LRRC17: variants seen among roughly 807,000 people sequenced by gnomAD.
The protein encoded by LRRC17 is leucine-rich repeat-containing protein 17.
LRRC17 carries 33 observed loss-of-function variants against 41.5 expected under a neutral mutation model. That is an observed-to-expected ratio of 0.80 (90% CI 0.60 to 1.06). The LOEUF is 1.06. LRRC17 is among the 50% of genes least tolerant of loss of function. The pLI, the probability that LRRC17 is intolerant of heterozygous loss-of-function variation, is 0.00. For missense variants in LRRC17, 491 were observed against 519.3 expected, an observed-to-expected ratio of 0.95 and a Z score of 0.53; for synonymous variants, 192 against 197.0, an observed-to-expected ratio of 0.97 and a Z score of 0.21.
At chr7:102,919,610 C>T (rs996169338) in intron 1 of LRRC17, among the ~76,000 whole-genome samples, 1 of 152,048 alleles carries the variant, frequency 6.6e-6, no homozygotes, top group Non-Finnish European at 1.5e-5. Context: ...AACAAAGGAA[C>T]AAAAAATCAT....
chr7:102,926,148 A>G lies in LRRC17; in HGVS notation c.-140-7626A>G. The G allele has an allele frequency of 5.5e-6, 4 of 722,870 alleles. 1 individual carries two copies. The highest frequency in any genetic ancestry group is 9.0e-6 in the Non-Finnish European group (4 of 443,384). 44.8% of individuals were successfully genotyped at this position (722,870 alleles called of 1,614,324 possible). On this transcript the variant is annotated intron_variant, in intron 1 of 3. Transcript: ENST00000339431. ...ACTTGAAAGCAGCAGACCCCTTATC[A>G]GAAAAGCAGTGCCACAGTGGTGGGG...
rs780398889 is a variant in LRRC17, at chr7:102,934,598, A to T, written c.685A>T (p.Arg229Ter). ...QLDPKPQVSG[R>*]PPVIKPEVDS... ...GGACCCGAAACCCCAAGTGTCAGGG[A>T]GACCCCCAGTCATCAAGCCTGAGGT... is the stretch of plus-strand genomic sequence containing the variant. The change falls in exon 2 of 4, where the codon AGA becomes TGA. Residue 229 changes from arginine to a stop codon, truncating the protein, a stop_gained. Transcript: ENST00000339431. LOFTEE classifies it high-confidence loss of function. 6.2e-7 allele frequency: 1 copy of T among 1,614,096 alleles called. No homozygotes were observed. The highest frequency in any genetic ancestry group is 1.1e-5 in the South Asian group (1 of 91,054).
chr7:102,926,468 A>G, intron 1 of LRRC17: 3 of 901,640 alleles, frequency 3.3e-6, no homozygotes, highest in Non-Finnish European at 5.0e-6. Flanking sequence ...CTGTTCCAGA[A>G]AAAAATACAT....
rs200641926 is a variant in LRRC17 at position 102,940,217 on chromosome 7, G to GT, written c.928+643dup. Among the ~76,000 whole-genome samples the GT allele has an allele frequency of 8.8e-3, 1,032 of 117,482 alleles. 11 individuals carry two copies. Among genetic ancestry groups the GT allele is most frequent in the African/African-American group, 0.027 (841 of 31,544 alleles). 77.1% of individuals were successfully genotyped at this position (117,482 alleles called of 152,430 possible). A position where few individuals can be genotyped will look rare whatever the true frequency, so the allele number is the denominator to read the frequency against. ...CCAAATGTAGTGACTTTTTTTGTTT[G>GT]TTTTTTTTTTTGAGATGGAGTCTAG... is the stretch of plus-strand genomic sequence containing the variant. On this transcript the variant is annotated intron_variant, in intron 3 of 3. Transcript: ENST00000339431.
chr7:102,915,742 T>A (rs56000005), intron 1 of LRRC17, among the ~76,000 whole-genome samples: 72,130 of 151,502 alleles, frequency 0.48, 19,706 homozygotes, highest in African/African-American at 0.77. Flanking sequence ...AAAAAACATT[T>A]ATGAGTAGAA....
chr7:102,936,916 T>G (rs1820427238), intron 2 of LRRC17, among the ~76,000 whole-genome samples: 1 of 99,396 alleles, frequency 1.0e-5, no homozygotes, highest in Non-Finnish European at 2.2e-5. Context: ...TGCTTTTGTG[T>G]TTTTTTCCTT....
intron 1 of LRRC17, among the ~76,000 whole-genome samples, chr7:102,922,076 G>C (rs941740370): frequency 6.6e-6 from 1 of 151,974 alleles, no homozygotes; most frequent in Non-Finnish European, 1.5e-5. Context: ...TGTAATCCTA[G>C]TTACTCAGGA....
intron 2 of LRRC17, among the ~76,000 whole-genome samples, chr7:102,937,938 A>G (rs1820651917): frequency 6.6e-6 from 1 of 152,362 alleles, no homozygotes; most frequent in South Asian, 2.1e-4. Context: ...ACTTGCAATG[A>G]GTCAGATGGT....
intron 3 of LRRC17, among the ~76,000 whole-genome samples, chr7:102,940,857 A>G (rs1176777781): frequency 1.3e-5 from 2 of 152,258 alleles, no homozygotes; most frequent in South Asian, 2.1e-4. Context: ...GGCTACTTCA[A>G]TTTGAAAAGT....
At chr7:102,931,830 G>A (rs371919607) in intron 1 of LRRC17, 4 of 1,548,786 alleles carry the variant, frequency 2.6e-6, no homozygotes, top group Non-Finnish European at 3.6e-6. Flanking sequence ...GCACCCCAAT[G>A]TAGCAAGTCA....
At chr7:102,921,081 G>A (rs928629325) in intron 1 of LRRC17, among the ~76,000 whole-genome samples, 5 of 152,168 alleles carry the variant, frequency 3.3e-5, no homozygotes, top group African/African-American at 9.7e-5. Context: ...CAGCCCAGGA[G>A]GCGGAGGTTG....
chr7:102,925,845 G>A (rs1425983493), intron 1 of LRRC17, among the ~76,000 whole-genome samples: 4 of 151,382 alleles, frequency 2.6e-5, no homozygotes, highest in African/African-American at 9.7e-5. Flanking sequence ...GGAGGCTGAC[G>A]CATGAGAATC....
At chr7:102,925,581 A>G (rs1381734947) in intron 1 of LRRC17, among the ~76,000 whole-genome samples, 4 of 152,176 alleles carry the variant, frequency 2.6e-5, no homozygotes, top group Non-Finnish European at 5.9e-5. Flanking sequence ...ACAGGTAGCC[A>G]GAGCATGGGA....
intron 1 of LRRC17, among the ~76,000 whole-genome samples, chr7:102,917,978 A>T (rs1816231805): frequency 6.6e-6 from 1 of 152,232 alleles, no homozygotes; most frequent in Non-Finnish European, 1.5e-5. Flanking sequence ...AGAAGTGAGA[A>T]AAAATATTCA....
intron 1 of LRRC17, among the ~76,000 whole-genome samples, chr7:102,921,198 A>G (rs1292609994): frequency 6.6e-6 from 1 of 152,166 alleles, no homozygotes; most frequent in East Asian, 1.9e-4. Context: ...AGCATAAAGA[A>G]TATCATTTTA....
Position 102,944,393 on chromosome 7 carries a change from T to C in LRRC17, c.1112T>C (p.Val371Ala). 1 of 1,614,064 alleles carries C rather than the reference T, an allele frequency of 6.2e-7. No individual in the cohort carries two copies. Among genetic ancestry groups the C allele is most frequent in the South Asian group, 1.1e-5 (1 of 91,068 alleles). ...TACTGGTTAAAGCACCACTACAATG[T>C]CCATTTTAATGGCCTGGAATGCAAA... ...LYYWLKHHYN[V>A]HFNGLECKTP... Residue 371 changes from valine to alanine, a missense_variant, in exon 4 of 4, where the codon GTC becomes GCC. By Grantham distance (64) the Val-to-Ala change is moderately conservative (BLOSUM62 0). Coordinates refer to ENST00000339431, the MANE Select transcript of LRRC17 (RefSeq NM_001031692.3).
At chr7:102,939,977 C>G (rs530458160) in intron 3 of LRRC17, among the ~76,000 whole-genome samples, 8 of 151,580 alleles carry the variant, frequency 5.3e-5, no homozygotes, top group Non-Finnish European at 1.0e-4. Context: ...TCACTGCAAC[C>G]TCTGCCTCTT....
chr7:102,928,492 CA>C (rs751653478), intron 1 of LRRC17, among the ~76,000 whole-genome samples: 27 of 152,140 alleles, frequency 1.8e-4, no homozygotes, highest in Admixed American at 5.9e-4. Context: ...AAGGGAAAAA[CA>C]ATAGTAAAAT....
At chr7:102,925,679 C>T (rs920269767) in intron 1 of LRRC17, among the ~76,000 whole-genome samples, 3 of 151,828 alleles carry the variant, frequency 2.0e-5, no homozygotes, top group Non-Finnish European at 2.9e-5. Context: ...TGGTGGCTCA[C>T]GCCTGTAATT....
Sources: allele counts gnomAD v4.1 joint callset (sites outside exome capture counted in the v4.1 genomes callset), GRCh38; gene constraint gnomAD v4.1.1; transcripts MANE v1.5; gene names NCBI Gene and HGNC (gene_info 2026-07-23, HGNC 2026-07-21).